The following TRIM5 variants were observed in gnomAD, a reference collection of about 807,000 sequenced individuals.
TRIM5 encodes tripartite motif containing 5.
TRIM5 carries 31 observed loss-of-function variants against 35.6 expected under a neutral mutation model. That is an observed-to-expected ratio of 0.87 (90% confidence interval 0.65 to 1.18). The LOEUF (loss-of-function observed/expected upper bound fraction) is 1.18, where lower values mean the gene tolerates loss of function less well. TRIM5 is among the 50% of genes most tolerant of loss of function. The pLI is 0.00. For synonymous variants in TRIM5, 243 were observed against 215.6 expected, an observed-to-expected ratio of 1.13 and a Z score of -1.11; for missense variants, 609 against 591.6, an observed-to-expected ratio of 1.03 and a Z score of -0.31.
chr11:5,593,945 T>C, the TRIM5 span, among the ~76,000 whole-genome samples: 1 of 152,238 alleles, frequency 6.6e-6, no homozygotes, highest in Non-Finnish European at 1.5e-5. Flanking sequence ...AGTATTCCAC[T>C]GTATTGGGTA....
downstream of TRIM5, among the ~76,000 whole-genome samples, chr11:5,658,668 G>T (rs1415542291): frequency 6.6e-6 from 1 of 152,186 alleles, no homozygotes; most frequent in African/African-American, 2.4e-5. Flanking sequence ...TTCTAATGTT[G>T]ATCTATGGGT....
the TRIM5 span, among the ~76,000 whole-genome samples, chr11:5,656,695 C>T: frequency 2.6e-5 from 4 of 151,888 alleles, no homozygotes; most frequent in African/African-American, 9.7e-5. Flanking sequence ...ATGCGGCCAA[C>T]AAACATTTGA....
the TRIM5 span, chr11:5,634,575 A>T: frequency 6.6e-7 from 1 of 1,514,788 alleles, no homozygotes; most frequent in Non-Finnish European, 8.9e-7. Flanking sequence ...AATCCCTTGC[A>T]CAATAGGCCT....
At chr11:5,678,104 G>A in intron 4 of TRIM5, 100 bp downstream of exon 4, 1 of 1,026,698 alleles carries the variant, frequency 9.7e-7, no homozygotes, top group Non-Finnish European at 1.4e-6. Context: ...CGGTCCTGCA[G>A]AGAACATTGT....
At chr11:5,648,954 G>T in the TRIM5 span, among the ~76,000 whole-genome samples, 427 of 152,146 alleles carry the variant, frequency 2.8e-3, 4 homozygotes, top group African/African-American at 9.8e-3. Flanking sequence ...ACATGGCTTT[G>T]CTGAGAGTAT....
downstream of TRIM5, among the ~76,000 whole-genome samples, chr11:5,659,937 G>A (rs1390462060): frequency 4.6e-5 from 7 of 151,748 alleles, no homozygotes; most frequent in African/African-American, 1.7e-4. Flanking sequence ...CTTCTTTACG[G>A]GTACTCTACC....
At chr11:5,683,639 C>T (rs1852738198) in intron 1 of TRIM5, among the ~76,000 whole-genome samples, 1 of 152,200 alleles carries the variant, frequency 6.6e-6, no homozygotes, top group Admixed American at 6.5e-5. Flanking sequence ...AATCGACACT[C>T]TGTATCTAGC....
the TRIM5 span, among the ~76,000 whole-genome samples, chr11:5,648,362 CG>C: frequency 6.6e-6 from 1 of 151,900 alleles, no homozygotes; most frequent in Non-Finnish European, 1.5e-5. Context: ...AAAAATTAGC[CG>C]GGCGTGGTGG....
chr11:5,683,244 C>T (rs1852668730), intron 1 of TRIM5, among the ~76,000 whole-genome samples: 1 of 152,246 alleles, frequency 6.6e-6, no homozygotes, highest in Non-Finnish European at 1.5e-5. Context: ...CCCCCTGCTC[C>T]ACGGCGCCCA....
the TRIM5 span, chr11:5,596,822 G>T: frequency 1.2e-6 from 2 of 1,611,716 alleles, no homozygotes; most frequent in Non-Finnish European, 1.7e-6. Flanking sequence ...AGTTTAAGGT[G>T]CCTTGGATTG....
chr11:5,623,824 T>A, the TRIM5 span, among the ~76,000 whole-genome samples: 3 of 152,206 alleles, frequency 2.0e-5, no homozygotes, highest in South Asian at 2.1e-4. Flanking sequence ...TTCCAACAAG[T>A]TTATAATTGT....
At chr11:5,601,802 T>C in the TRIM5 span, among the ~76,000 whole-genome samples, 10 of 152,022 alleles carry the variant, frequency 6.6e-5, no homozygotes, top group Non-Finnish European at 1.2e-4. Context: ...GCCATTGCTG[T>C]TTCTTTGGTT....
chr11:5,622,051 C>T, the TRIM5 span, among the ~76,000 whole-genome samples: 3 of 152,084 alleles, frequency 2.0e-5, no homozygotes, highest in Non-Finnish European at 2.9e-5. Context: ...CTCAGATTTT[C>T]GGGGTTCAGA....
the TRIM5 span, chr11:5,605,135 G>A: frequency 1.8e-5 from 12 of 666,732 alleles, no homozygotes; most frequent in Admixed American, 5.7e-5. Context: ...AAAGCAGCCC[G>A]GGGCCAATGG....
intron 3 of TRIM5, 42 bp downstream of exon 3, chr11:5,679,032 C>G (rs562706964): frequency 6.4e-7 from 1 of 1,553,370 alleles, no homozygotes; most frequent in African/African-American, 1.4e-5. Flanking sequence ...CTGGTCCTGC[C>G]CAGATTTCTA....
At chr11:5,625,290 G>A in the TRIM5 span, among the ~76,000 whole-genome samples, 1 of 152,138 alleles carries the variant, frequency 6.6e-6, no homozygotes. Context: ...TTGTTTTCTG[G>A]GGTGTCTTTT....
At chr11:5,599,383 ATATTTATTTATT>A in the TRIM5 span, among the ~76,000 whole-genome samples, 16 of 146,936 alleles carry the variant, frequency 1.1e-4, no homozygotes, top group East Asian at 2.0e-4. Flanking sequence ...TACAATTATT[ATATTTATTTATT>A]TATTTATTTA....
the TRIM5 span, chr11:5,634,572 T>G: frequency 1.4e-6 from 2 of 1,439,638 alleles, no homozygotes; most frequent in Non-Finnish European, 9.3e-7. Flanking sequence ...CCTAATCCCT[T>G]GCACAATAGG....
the TRIM5 span, among the ~76,000 whole-genome samples, chr11:5,652,340 G>C: frequency 8.4e-4 from 128 of 152,230 alleles, no homozygotes; most frequent in Middle Eastern, 3.4e-3. Context: ...GTTGACTTTT[G>C]TATATGATAT....
Sources: gnomAD v4.1 joint callset for allele counts (sites outside exome capture counted in the v4.1 genomes callset) on GRCh38, gnomAD v4.1.1 for gene constraint, MANE v1.5 for transcripts, NCBI Gene and HGNC (gene_info 2026-07-23, HGNC 2026-07-21) for gene names.